The following GM2A variants were observed in gnomAD, a reference collection of about 807,000 sequenced individuals.
GM2A encodes GM2 ganglioside activator.
GM2A carries 7 observed loss-of-function variants against 12.9 expected under a neutral mutation model. The ratio of observed to expected loss-of-function variants is 0.54; its 90% CI spans 0.31 to 1.02. The LOEUF is 1.02. GM2A is among the 50% of genes least tolerant of loss of function. The pLI, the probability that GM2A is intolerant of heterozygous loss-of-function variation, is 0.05. For missense variants in GM2A, 246 were observed against 241.0 expected (o/e 1.02, Z -0.14); for synonymous variants, 101 against 96.0 (o/e 1.05, Z -0.30).
At position 151,268,749 on chromosome 5, in the gene GM2A, A is replaced by G. The variant is rs896687610; in HGVS notation, c.*1298A>G. The G allele has an allele frequency of 1.7e-5, 11 of 633,192 alleles. No homozygotes were observed. Among genetic ancestry groups the G allele is most frequent in the Non-Finnish European group, 2.2e-5 (11 of 508,180 alleles). The allele number at this position is 633,192 out of a possible 1,614,324, so 39.2% of individuals were successfully genotyped here. On this transcript the variant is annotated 3_prime_UTR_variant, in exon 4 of 4. Coordinates refer to ENST00000357164, the MANE Select transcript of GM2A (RefSeq NM_000405.5). ...CCAGATTTGTATATGAAATCTTACC[A>G]TTTTAAAAGATTGGCAGCTAATTAT...
intron 1 of GM2A, among the ~76,000 whole-genome samples, chr5:151,255,914 C>A (rs1008995165): frequency 1.3e-5 from 2 of 152,086 alleles, no homozygotes; most frequent in Non-Finnish European, 2.9e-5. Context: ...CAGACTAGGT[C>A]TTAGATTGGC....
chr5:151,268,303 T>C lies in GM2A; in HGVS notation c.*852T>C, dbSNP rs1421040013. On this transcript the variant is annotated 3_prime_UTR_variant, in exon 4 of 4. Coordinates refer to ENST00000357164, the MANE Select transcript of GM2A (RefSeq NM_000405.5). ...CCCAAGTAGCTTGGACTACAGGCCC[T>C]GCCACCACGCCCGGCTAATTTGTGT... 7.8e-6 allele frequency: 3 copies of C among 385,376 alleles called. No homozygotes were observed. The highest frequency in any genetic ancestry group is 1.1e-5 in the Non-Finnish European group (3 of 281,674). The allele number at this position is 385,376 out of a possible 1,614,324, so 23.9% of individuals were successfully genotyped here.
Position 151,267,709 on chromosome 5 carries a change from G to GTTAACATTCTCTCTAAAGAGCC in GM2A, c.*260_*281dup. 1 of 1,400,652 alleles carries GTTAACATTCTCTCTAAAGAGCC rather than the reference G, an allele frequency of 7.1e-7. No individual in the cohort carries two copies. The highest frequency in any genetic ancestry group is 9.4e-7 in the Non-Finnish European group (1 of 1,064,356). The allele number at this position is 1,400,652 out of a possible 1,614,324, so 86.8% of individuals were successfully genotyped here. ...TGGGCTGACCACGTTACTCATCCCC[G>GTTAACATTCTCTCTAAAGAGCC]TTAACATTCTCTCTAAAGAGCCTCG... On this transcript the variant is annotated 3_prime_UTR_variant, in exon 4 of 4. Transcript: ENST00000357164.
Position 151,254,443 on chromosome 5 carries a change from G to A in GM2A, c.81+1146G>A, listed in dbSNP as rs141391893. 4.5e-3 allele frequency among the ~76,000 whole-genome samples: 679 copies of A among 152,294 alleles called. 8 individuals are homozygous for A. The highest frequency in any genetic ancestry group is 0.016 in the African/African-American group (656 of 41,548). ...GCTCACTGCAGCCTTAAACTCCTGG[G>A]CTCAAGCAGTCCTCCCACCTCAGTC... On this transcript the variant is annotated intron_variant, in intron 1 of 3. Coordinates refer to ENST00000357164, the MANE Select transcript of GM2A (RefSeq NM_000405.5).
At chr5:151,262,018 C>T (rs988100999) in intron 2 of GM2A, among the ~76,000 whole-genome samples, 4 of 152,186 alleles carry the variant, frequency 2.6e-5, no homozygotes, top group Admixed American at 6.5e-5. Flanking sequence ...GCCAAAGTGC[C>T]TCCCAATGTT....
intron 2 of GM2A, among the ~76,000 whole-genome samples, chr5:151,263,602 T>C (rs1408585760): frequency 1.3e-5 from 2 of 152,244 alleles, no homozygotes; most frequent in East Asian, 3.9e-4. Flanking sequence ...GTTCCTGAGC[T>C]TTTACTGGCA....
Position 151,269,286 on chromosome 5 carries a change from A to G in GM2A, c.*1835A>G. 1 of 984,392 alleles carries G rather than the reference A, an allele frequency of 1.0e-6. No individual in the cohort carries two copies. The highest frequency in any genetic ancestry group is 1.2e-6 in the Non-Finnish European group (1 of 828,984). The allele number at this position is 984,392 out of a possible 1,614,324, so 61.0% of individuals were successfully genotyped here. A position where few individuals can be genotyped will look rare whatever the true frequency, so the allele number is the denominator to read the frequency against. On this transcript the variant is annotated 3_prime_UTR_variant, in exon 4 of 4. Coordinates refer to ENST00000357164, the MANE Select transcript of GM2A (RefSeq NM_000405.5). Reference sequence around the variant, plus strand: ...CTGCATATTTCACTGATCACATCTCAGGATTTCAAAAGCATTTTTGGGGTG... The same window carrying G: ...CTGCATATTTCACTGATCACATCTCGGGATTTCAAAAGCATTTTTGGGGTG...
In GM2A at chr5:151,269,915, A is replaced by T. The variant is rs1753975225; in HGVS notation, c.*2464A>T. The T allele has an allele frequency of 9.1e-7, 1 of 1,103,122 alleles. No homozygotes were observed. Among genetic ancestry groups the T allele is most frequent in the Non-Finnish European group, 1.1e-6 (1 of 885,902 alleles). The allele number at this position is 1,103,122 out of a possible 1,614,324, so 68.3% of individuals were successfully genotyped here. ...ATTCTTTTTACCAACCCACGAGTTG[A>T]CCACTTCCCAATGCCGGGGATCTGA... On this transcript the variant is annotated 3_prime_UTR_variant, in exon 4 of 4. Coordinates refer to ENST00000357164, the MANE Select transcript of GM2A (RefSeq NM_000405.5).
chr5:151,265,004 G>A (rs1207169742), intron 2 of GM2A, among the ~76,000 whole-genome samples: 2 of 151,876 alleles, frequency 1.3e-5, no homozygotes, highest in Non-Finnish European at 2.9e-5. Context: ...AGAAGGTGAG[G>A]GAATGGCCAC....
rs1359343579 is a variant in GM2A, at chr5:151,267,632, C to T, written c.*181C>T. The T allele has an allele frequency of 1.3e-6, 2 of 1,517,994 alleles. No homozygotes were observed. Among genetic ancestry groups the T allele is most frequent in the Non-Finnish European group, 1.8e-6 (2 of 1,135,092 alleles). The allele number at this position is 1,517,994 out of a possible 1,614,324, so 94.0% of individuals were successfully genotyped here. On this transcript the variant is annotated 3_prime_UTR_variant, in exon 4 of 4. Coordinates refer to ENST00000357164, the MANE Select transcript of GM2A (RefSeq NM_000405.5). The stretch of plus-strand genomic sequence containing the variant: ...ACATTTTAGGCTGGGGCAAGCAGCC[C>T]TGACCTAAGGGAGAATGAGTTGGAC...
Position 151,257,346 on chromosome 5 carries a change from G to T in GM2A, c.82-2409G>T, listed in dbSNP as rs1561616831. Among the ~76,000 whole-genome samples the T allele has an allele frequency of 2.6e-5, 4 of 152,068 alleles. No homozygotes were observed. The South Asian group carries it at 8.3e-4, about 32-fold the overall frequency. ...GCCATCTTGTTACGTCTCCCCCAGGGCCTGGGGAAAGAAGAGCTTAGGAGA... is the reference window on the plus strand; with the variant it reads ...GCCATCTTGTTACGTCTCCCCCAGGTCCTGGGGAAAGAAGAGCTTAGGAGA... On this transcript the variant is annotated intron_variant, in intron 1 of 3. Transcript: ENST00000357164.
chr5:151,269,478 G>C lies in GM2A; in HGVS notation c.*2027G>C. 2 of 982,196 alleles carry C rather than the reference G, an allele frequency of 2.0e-6. No homozygotes were observed. Among genetic ancestry groups the C allele is most frequent in the Non-Finnish European group, 2.4e-6 (2 of 827,130 alleles). 60.8% of individuals were successfully genotyped at this position (982,196 alleles called of 1,614,324 possible). A position where few individuals can be genotyped will look rare whatever the true frequency, so the allele number is the denominator to read the frequency against. On this transcript the variant is annotated 3_prime_UTR_variant, in exon 4 of 4. Transcript: ENST00000357164. ...TTCCATCACATCATGACTGCGGAGAGCAAAAATCACCTAGTGACCATTGAA... is the reference window on the plus strand; with the variant it reads ...TTCCATCACATCATGACTGCGGAGACCAAAAATCACCTAGTGACCATTGAA...
At chr5:151,267,144 C>G in intron 3 of GM2A, 152 bp from the exon 4 acceptor site, 2 of 1,006,318 alleles carry the variant, frequency 2.0e-6, no homozygotes, top group Non-Finnish European at 3.1e-6. Flanking sequence ...AATCCATGCT[C>G]TACAGTGCTA....
rs1017375249 is a variant in GM2A at position 151,263,737 on chromosome 5, G to A, written c.244-2994G>A. The stretch of plus-strand genomic sequence containing the variant: ...GAGAGCTGCCCAGAACTAAGCTCTG[G>A]ATGAGCCTGGAGCACTCTTGGGGTC... On this transcript the variant is annotated intron_variant, in intron 2 of 3. Transcript: ENST00000357164. Among the ~76,000 whole-genome samples the A allele has an allele frequency of 2.0e-4, 31 of 152,250 alleles. No homozygotes were observed. The South Asian group carries it at 3.9e-3, about 19-fold the overall frequency.
At position 151,267,686 on chromosome 5, in the gene GM2A, G is replaced by A. The variant is rs1753920903; in HGVS notation, c.*235G>A. The stretch of plus-strand genomic sequence containing the variant: ...TCTTGATAGCCCAGGGCATCTGCTG[G>A]GCTGACCACGTTACTCATCCCCGTT... On this transcript the variant is annotated 3_prime_UTR_variant, in exon 4 of 4. Transcript: ENST00000357164. 1.4e-6 allele frequency: 2 copies of A among 1,459,674 alleles called. No homozygotes were observed. The highest frequency in any genetic ancestry group is 2.9e-5 in the East Asian group (1 of 34,198). The allele number at this position is 1,459,674 out of a possible 1,614,324, so 90.4% of individuals were successfully genotyped here. A position where few individuals can be genotyped will look rare whatever the true frequency, so the allele number is the denominator to read the frequency against.
chr5:151,265,927 G>A (rs1278681844), intron 2 of GM2A, among the ~76,000 whole-genome samples: 1 of 152,122 alleles, frequency 6.6e-6, no homozygotes, highest in African/African-American at 2.4e-5. Context: ...CATTCCTATT[G>A]TTCTTAATTC....
rs1753698893 is a variant in GM2A at position 151,256,860 on chromosome 5, TC to T, written c.82-2889del. On this transcript the variant is annotated intron_variant, in intron 1 of 3. Coordinates refer to ENST00000357164, the MANE Select transcript of GM2A (RefSeq NM_000405.5). Reference sequence around the variant, plus strand: ...GTTGTCATGACACATATAATTGTAGTCCCCCCTCTCCTCCAGCCTATGACAG... The same window carrying T: ...GTTGTCATGACACATATAATTGTAGTCCCCCTCTCCTCCAGCCTATGACAG... Among the ~76,000 whole-genome samples, 6 of 152,178 alleles carry T rather than the reference TC, an allele frequency of 3.9e-5. No individual in the cohort carries two copies. The South Asian group carries it at 1.2e-3, about 32-fold the overall frequency.
intron 1 of GM2A, among the ~76,000 whole-genome samples, chr5:151,254,400 T>C (rs1031270525): frequency 6.6e-6 from 1 of 152,090 alleles, no homozygotes; most frequent in Non-Finnish European, 1.5e-5. Flanking sequence ...CAGGCTGGAG[T>C]GCAGTGGGGC....
At chr5:151,262,478 A>G (rs1338257138) in intron 2 of GM2A, among the ~76,000 whole-genome samples, 2 of 152,254 alleles carry the variant, frequency 1.3e-5, no homozygotes, top group Non-Finnish European at 2.9e-5. Context: ...GGACATGCTC[A>G]GTACATTTTA....
Sources: allele counts gnomAD v4.1 joint callset (sites outside exome capture counted in the v4.1 genomes callset), GRCh38; gene constraint gnomAD v4.1.1; transcripts MANE v1.5; gene names NCBI Gene and HGNC (gene_info 2026-07-23, HGNC 2026-07-21).